COLGALT2: variants seen among roughly 807,000 people sequenced by gnomAD.
COLGALT2 encodes procollagen galactosyltransferase 2.
A neutral mutation model predicts 73.4 loss-of-function variants in COLGALT2; 49 were observed. The observed-to-expected ratio is 0.67, with a 90% CI of 0.53 to 0.85. The LOEUF is 0.85. Among genes scored for constraint, COLGALT2 ranks in the 40% least tolerant of loss-of-function variants. The probability of loss-of-function intolerance (pLI) is 0.00; values close to 1 mark genes in which losing one functional copy is unlikely to be tolerated. For synonymous variants in COLGALT2, 295 were observed against 307.6 expected (o/e 0.96, Z 0.43); for missense variants, 722 against 790.2 (o/e 0.91, Z 1.03).
chr1:183,984,013 T>A (rs754200635), intron 1 of COLGALT2, among the ~76,000 whole-genome samples: 111 of 152,216 alleles, frequency 7.3e-4, no homozygotes, highest in Non-Finnish European at 7.8e-4. Flanking sequence ...GGGAGGCTCA[T>A]ACGGCTCAGT....
chr1:184,019,842 A>C (rs367996093), intron 1 of COLGALT2, among the ~76,000 whole-genome samples: 1 of 152,182 alleles, frequency 6.6e-6, no homozygotes, highest in Non-Finnish European at 1.5e-5. Context: ...ACTGATCTAT[A>C]TATTTCTGCA....
chr1:184,010,984 T>C (rs76580175), intron 1 of COLGALT2, among the ~76,000 whole-genome samples: 12,788 of 152,038 alleles, frequency 0.084, 647 homozygotes, highest in East Asian at 0.18. Flanking sequence ...GGAAGGCCTG[T>C]TTTTAATTCT....
At chr1:183,973,994 T>A (rs890076404) in intron 3 of COLGALT2, among the ~76,000 whole-genome samples, 1 of 152,228 alleles carries the variant, frequency 6.6e-6, no homozygotes, top group African/African-American at 2.4e-5. Flanking sequence ...GCTGCCATAC[T>A]GGGCATAGCC....
chr1:183,950,875 G>A, intron 8 of COLGALT2, 132 bp downstream of exon 8: 1 of 644,162 alleles, frequency 1.6e-6, no homozygotes, highest in Non-Finnish European at 2.8e-6. Flanking sequence ...TACTACAGGT[G>A]GCCGTTTTGA....
chr1:183,998,496 A>T (rs1167642982), intron 1 of COLGALT2, among the ~76,000 whole-genome samples: 1 of 152,094 alleles, frequency 6.6e-6, no homozygotes, highest in Non-Finnish European at 1.5e-5. Flanking sequence ...TATTTTTAGG[A>T]TGTCTTTTGA....
At chr1:183,944,156 G>A (rs753978510) in intron 10 of COLGALT2, 40 bp downstream of exon 10, 6 of 1,581,390 alleles carry the variant, frequency 3.8e-6, no homozygotes, top group Admixed American at 1.8e-5. Flanking sequence ...AGGACTGAGT[G>A]CCTCTCAGAG....
At chr1:183,968,420 C>G (rs572546653) in intron 5 of COLGALT2, among the ~76,000 whole-genome samples, 1 of 152,238 alleles carries the variant, frequency 6.6e-6, no homozygotes, top group South Asian at 2.1e-4. Context: ...CCAGGCCCCA[C>G]TAGAAATGCT....
chr1:183,937,312 T>A lies in COLGALT2; in HGVS notation c.*1449A>T. 1 of 1,067,920 alleles carries A rather than the reference T, an allele frequency of 9.4e-7. No individual in the cohort carries two copies. Among genetic ancestry groups the A allele is most frequent in the Non-Finnish European group, 1.1e-6 (1 of 884,146 alleles). 66.2% of individuals were successfully genotyped at this position (1,067,920 alleles called of 1,614,324 possible). ...TTTCTGGAGACAAAAATTTACAGAT[T>A]GAGGGCATGAGAACATAAACTTGAG... On this transcript the variant is annotated 3_prime_UTR_variant, in exon 12 of 12. Coordinates refer to ENST00000361927, the MANE Select transcript of COLGALT2 (RefSeq NM_015101.4).
chr1:183,936,137 C>T lies in COLGALT2; in HGVS notation c.*2624G>A, dbSNP rs1404827132. 1 of 985,544 alleles carries T rather than the reference C, an allele frequency of 1.0e-6. No homozygotes were observed. The highest frequency in any genetic ancestry group is 1.2e-6 in the Non-Finnish European group (1 of 830,130). The allele number at this position is 985,544 out of a possible 1,614,324, so 61.0% of individuals were successfully genotyped here. ...GAGAAATCCAGACAGGGTTTAGCCT[C>T]CAGAGGCAGAGAGCGGGTGCCAGGC... On this transcript the variant is annotated 3_prime_UTR_variant, in exon 12 of 12. Coordinates refer to ENST00000361927, the MANE Select transcript of COLGALT2 (RefSeq NM_015101.4).
intron 1 of COLGALT2, among the ~76,000 whole-genome samples, chr1:184,020,181 A>G (rs16822334): frequency 0.29 from 44,356 of 152,034 alleles, 7,685 homozygotes; most frequent in African/African-American, 0.48. Flanking sequence ...CATTGATGAC[A>G]GAAGAGCCAA....
intron 6 of COLGALT2, among the ~76,000 whole-genome samples, chr1:183,963,091 G>A (rs531790926): frequency 1.3e-5 from 2 of 152,238 alleles, no homozygotes; most frequent in African/African-American, 4.8e-5. Flanking sequence ...TTCTCTTTTA[G>A]CCACCATTGT....
At chr1:183,988,071 A>C (rs1671533509) in intron 1 of COLGALT2, among the ~76,000 whole-genome samples, 1 of 152,194 alleles carries the variant, frequency 6.6e-6, no homozygotes, top group Non-Finnish European at 1.5e-5. Flanking sequence ...AAATATTTCA[A>C]ATATGGCTGG....
intron 1 of COLGALT2, among the ~76,000 whole-genome samples, chr1:183,990,744 G>C (rs1301295094): frequency 6.6e-6 from 1 of 152,230 alleles, no homozygotes; most frequent in African/African-American, 2.4e-5. Context: ...TGTGTTTGTG[G>C]AACTCCACGT....
chr1:183,998,613 C>T (rs138242377), intron 1 of COLGALT2, among the ~76,000 whole-genome samples: 8 of 152,202 alleles, frequency 5.3e-5, no homozygotes, highest in Non-Finnish European at 1.0e-4. Flanking sequence ...AGTGCATGAA[C>T]AATCCTCTTG....
intron 3 of COLGALT2, 61 bp from the exon 4 acceptor site, chr1:183,973,811 T>G: frequency 6.5e-7 from 1 of 1,538,286 alleles, no homozygotes. Flanking sequence ...AGTTTGAGAA[T>G]AACCCAGCCC....
chr1:183,941,218 T>G (rs1670098506), intron 10 of COLGALT2, among the ~76,000 whole-genome samples: 1 of 152,150 alleles, frequency 6.6e-6, no homozygotes, highest in Non-Finnish European at 1.5e-5. Context: ...TGCACAGCAC[T>G]CCGAGTGCTG....
intron 1 of COLGALT2, among the ~76,000 whole-genome samples, chr1:183,985,036 A>G (rs1671451054): frequency 6.6e-6 from 1 of 152,200 alleles, no homozygotes; most frequent in South Asian, 2.1e-4. Flanking sequence ...GGCAATGTCT[A>G]AAAACATTGA....
chr1:183,990,517 T>A (rs574316755), intron 1 of COLGALT2, among the ~76,000 whole-genome samples: 2 of 152,324 alleles, frequency 1.3e-5, no homozygotes, highest in South Asian at 4.1e-4. Flanking sequence ...TAATTTGGTA[T>A]GACATTGTTG....
chr1:183,945,290 GA>G lies in COLGALT2; in HGVS notation c.1269+141del, dbSNP rs1209382815. ...TTTGTTGCTGGTCTTGGGTCAGAGGGAGACACAAGGCAGGAGCAGCTCTCAT... is the reference window on the plus strand; with the variant it reads ...TTTGTTGCTGGTCTTGGGTCAGAGGGGACACAAGGCAGGAGCAGCTCTCAT... On this transcript the variant is annotated intron_variant, in intron 9 of 11. Transcript: ENST00000361927. 38 of 999,732 alleles carry G rather than the reference GA, an allele frequency of 3.8e-5. No individual in the cohort carries two copies. The East Asian group carries it at 9.0e-4, about 24-fold the overall frequency. 61.9% of individuals were successfully genotyped at this position (999,732 alleles called of 1,614,324 possible).
Sources: allele counts gnomAD v4.1 joint callset (sites outside exome capture counted in the v4.1 genomes callset), GRCh38; gene constraint gnomAD v4.1.1; transcripts MANE v1.5; gene names NCBI Gene and HGNC (gene_info 2026-07-23, HGNC 2026-07-21).